Variants in TRPM7 observed in about 807,000 individuals in gnomAD.
The protein encoded by TRPM7 is LTRPC ion channel family member 7.
TRPM7 carries 134 observed loss-of-function variants against 229.7 expected under a neutral mutation model. The ratio of observed to expected loss-of-function variants is 0.58; its 90% confidence interval spans 0.51 to 0.67. The LOEUF (loss-of-function observed/expected upper bound fraction) is 0.67, where lower values mean the gene tolerates loss of function less well. TRPM7 is among the 30% of genes least tolerant of loss of function. The pLI is 0.00. For synonymous variants in TRPM7, 699 were observed against 715.2 expected (o/e 0.98, Z 0.36); for missense variants, 1,901 against 2,210.0 (o/e 0.86, Z 2.80).
intron 36 of TRPM7, among the ~76,000 whole-genome samples, chr15:50,572,637 G>C (rs1218521487): frequency 6.6e-6 from 1 of 152,196 alleles, no homozygotes; most frequent in Non-Finnish European, 1.5e-5. Context: ...ATGTATGCTT[G>C]TAATTTTTAA....
Position 50,589,340 on chromosome 15 carries a change from AAG to A in TRPM7, c.4389+250_4389+251del, listed in dbSNP as rs1555406351. Among the ~76,000 whole-genome samples the A allele has an allele frequency of 2.0e-5, 3 of 151,564 alleles. No individual in the cohort carries two copies. The South Asian group carries it at 6.2e-4, about 32-fold the overall frequency. On this transcript the variant is annotated intron_variant, in intron 27 of 38. Transcript: ENST00000646667. ...GTCTCAAAAAAAAAAAAAAAAAAAAAAGAGAGAAATGTTAAATAGCTGATGTT... is the reference window on the plus strand; with the variant it reads ...GTCTCAAAAAAAAAAAAAAAAAAAAAAGAGAAATGTTAAATAGCTGATGTT...
intron 30 of TRPM7, among the ~76,000 whole-genome samples, chr15:50,579,344 TTG>T (rs2054288885): frequency 6.6e-6 from 1 of 152,234 alleles, no homozygotes; most frequent in African/African-American, 2.4e-5. Flanking sequence ...AGAAAGGACC[TTG>T]GGAGTAGATA....
rs539720713 is a variant in TRPM7 at position 50,583,575 on chromosome 15, G to GTTT, written c.4487-419_4487-417dup. ...TGTTATTTTAAACTTTAAGCTTAGA[G>GTTT]TTTTGTTTTTTTTTTTTTGAGACAG... is the stretch of plus-strand genomic sequence containing the variant. On this transcript the variant is annotated intron_variant, in intron 28 of 38. Coordinates refer to ENST00000646667, the MANE Select transcript of TRPM7 (RefSeq NM_017672.6). Among the ~76,000 whole-genome samples, 411 of 108,820 alleles carry GTTT rather than the reference G, an allele frequency of 3.8e-3. 2 individuals are homozygous for GTTT. In the Middle Eastern group the frequency reaches 0.059, roughly 16 times the overall value. 71.4% of individuals were successfully genotyped at this position (108,820 alleles called of 152,430 possible). A position where few individuals can be genotyped will look rare whatever the true frequency, so the allele number is the denominator to read the frequency against.
intron 11 of TRPM7, among the ~76,000 whole-genome samples, chr15:50,626,208 ATT>A (rs576063758): frequency 4.1e-4 from 62 of 152,170 alleles, no homozygotes; most frequent in Admixed American, 9.2e-4. Flanking sequence ...TGAAATATTT[ATT>A]TTTTATTATA....
At chr15:50,602,442 T>G (rs919634486) in intron 21 of TRPM7, among the ~76,000 whole-genome samples, 9 of 151,902 alleles carry the variant, frequency 5.9e-5, no homozygotes, top group Non-Finnish European at 1.0e-4. Flanking sequence ...AAATGATGAG[T>G]TAATGGGTGC....
chr15:50,589,839 G>A (rs1433872966), intron 26 of TRPM7, among the ~76,000 whole-genome samples, 183 bp from the exon 27 acceptor site: 1 of 142,728 alleles, frequency 7.0e-6, no homozygotes, highest in Non-Finnish European at 1.5e-5. Context: ...AGCTGGTGAA[G>A]GTTACAGTTT....
chr15:50,583,040 A>G (rs1319797364), intron 29 of TRPM7, 49 bp downstream of exon 29: 1 of 1,301,046 alleles, frequency 7.7e-7, no homozygotes, highest in East Asian at 2.6e-5. Flanking sequence ...TATCTAAAAA[A>G]GTTTAATGTA....
rs191932878 is a variant in TRPM7 at position 50,670,245 on chromosome 15, G to A, written c.4-7199C>T. On this transcript the variant is annotated intron_variant, in intron 1 of 38. Transcript: ENST00000646667. ...AGGATTCTCTTATAAAAGAAGGGGG[G>A]AAACGTCAGAGGTGTTTAAACCAGA... is the stretch of plus-strand genomic sequence containing the variant. 1.5e-3 allele frequency among the ~76,000 whole-genome samples: 223 copies of A among 152,198 alleles called. 4 individuals carry two copies. The highest frequency in any genetic ancestry group is 6.8e-3 in the Middle Eastern group (2 of 294).
intron 38 of TRPM7, among the ~76,000 whole-genome samples, chr15:50,564,259 A>C (rs1265513271): frequency 4.5e-3 from 205 of 45,348 alleles, no homozygotes; most frequent in African/African-American, 0.016. Context: ...AAAATAAAAT[A>C]AAATAAAATA....
chr15:50,573,200 C>A (rs188366710), intron 36 of TRPM7, among the ~76,000 whole-genome samples: 1 of 152,290 alleles, frequency 6.6e-6, no homozygotes, highest in East Asian at 1.9e-4. Flanking sequence ...CTTCGCCTCC[C>A]CTTGAATGTG....
chr15:50,585,042 A>T (rs1596102461), intron 28 of TRPM7, among the ~76,000 whole-genome samples: 3 of 108,808 alleles, frequency 2.8e-5, no homozygotes, highest in African/African-American at 1.1e-4. Context: ...CATCTAGCTA[A>T]TTTTTGTATT....
chr15:50,565,881 T>A (rs1171715946), intron 38 of TRPM7, among the ~76,000 whole-genome samples: 1 of 151,874 alleles, frequency 6.6e-6, no homozygotes, highest in Non-Finnish European at 1.5e-5. Context: ...CAGAGTGCAG[T>A]GGCGCAATCT....
intron 22 of TRPM7, among the ~76,000 whole-genome samples, chr15:50,598,238 T>C (rs150298424): frequency 1.1e-3 from 173 of 152,310 alleles, no homozygotes; most frequent in African/African-American, 3.8e-3. Flanking sequence ...ATATCTCAAA[T>C]GTGGAAGTCA....
chr15:50,595,311 T>C (rs1159348540), intron 23 of TRPM7, among the ~76,000 whole-genome samples: 1 of 151,554 alleles, frequency 6.6e-6, no homozygotes, highest in Non-Finnish European at 1.5e-5. Context: ...GCAAAAGCCC[T>C]AAAAGTACAT....
Position 50,580,198 on chromosome 15 carries a change from G to A in TRPM7, c.4592+676C>T, listed in dbSNP as rs1359743959. On this transcript the variant is annotated intron_variant, in intron 30 of 38. Transcript: ENST00000646667. ...TCTACCATGCTTCCAGTATCAGGTG[G>A]GTGTCAAAACAAGACTTTTTTTTTT... Among the ~76,000 whole-genome samples the A allele has an allele frequency of 3.9e-5, 6 of 152,066 alleles. No homozygotes were observed. The South Asian group carries it at 1.0e-3, about 26-fold the overall frequency.
At chr15:50,682,718 A>G (rs141635403) in intron 1 of TRPM7, among the ~76,000 whole-genome samples, 4 of 152,312 alleles carry the variant, frequency 2.6e-5, no homozygotes, top group African/African-American at 4.8e-5. Context: ...CAATTCTCCA[A>G]GTCAAACACT....
At chr15:50,608,125 T>C (rs530398980) in intron 19 of TRPM7, among the ~76,000 whole-genome samples, 45 of 149,434 alleles carry the variant, frequency 3.0e-4, no homozygotes, top group African/African-American at 1.0e-3. Flanking sequence ...GACAGACAAC[T>C]GGTATTTTCT....
intron 1 of TRPM7, 100 bp downstream of exon 1, chr15:50,686,431 G>A (rs1284316753): frequency 1.3e-6 from 2 of 1,592,900 alleles, no homozygotes; most frequent in Non-Finnish European, 8.6e-7. Flanking sequence ...GTCCTTCGCC[G>A]CATGGAACGC....
chr15:50,613,706 C>A lies in TRPM7; in HGVS notation c.1770+1G>T. ...AAAGAATAATATTTAAATAAATTTACCTTTGGTCGGTAGGGCTGTGCTGTC... is the reference window on the plus strand; with the variant it reads ...AAAGAATAATATTTAAATAAATTTAACTTTGGTCGGTAGGGCTGTGCTGTC... On this transcript the variant is annotated splice_donor_variant, in intron 15 of 38. Coordinates refer to ENST00000646667, the MANE Select transcript of TRPM7 (RefSeq NM_017672.6). LOFTEE classifies it high-confidence loss of function. The A allele has an allele frequency of 6.5e-7, 1 of 1,548,324 alleles. No individual in the cohort carries two copies. Among genetic ancestry groups the A allele is most frequent in the East Asian group, 2.4e-5 (1 of 42,100 alleles).
Sources: allele counts gnomAD v4.1 joint callset (sites outside exome capture counted in the v4.1 genomes callset), GRCh38; gene constraint gnomAD v4.1.1; transcripts MANE v1.5; gene names NCBI Gene and HGNC (gene_info 2026-07-23, HGNC 2026-07-21).